Variants in AGPS observed in about 807,000 individuals in gnomAD.
AGPS encodes the protein alkyldihydroxyacetonephosphate synthase, peroxisomal.
AGPS carries 26 observed loss-of-function variants against 90.7 expected under a neutral mutation model. That is an observed-to-expected ratio of 0.29 (90% CI 0.21 to 0.40). AGPS has a LOEUF of 0.40. AGPS is among the 10% of genes least tolerant of loss of function. The probability of loss-of-function intolerance (pLI) is 1.00; values close to 1 mark genes in which losing one functional copy is unlikely to be tolerated. For missense variants in AGPS, 540 were observed against 816.1 expected (o/e 0.66, Z 4.12); for synonymous variants, 294 against 285.3 (o/e 1.03, Z -0.31).
intron 9 of AGPS, among the ~76,000 whole-genome samples, chr2:177,465,146 T>G (rs1319346473): frequency 6.6e-6 from 1 of 151,976 alleles, no homozygotes; most frequent in Non-Finnish European, 1.5e-5. Flanking sequence ...ATTAAAAAAT[T>G]AGCTGAGCAT....
intron 2 of AGPS, among the ~76,000 whole-genome samples, chr2:177,430,693 C>T (rs560232919): frequency 1.4e-4 from 22 of 152,158 alleles, no homozygotes; most frequent in South Asian, 8.3e-4. Context: ...CCTAGTCAGT[C>T]CTGATGTGAG....
At chr2:177,432,773 G>T (rs926199519) in intron 2 of AGPS, among the ~76,000 whole-genome samples, 2 of 152,152 alleles carry the variant, frequency 1.3e-5, no homozygotes, top group Non-Finnish European at 2.9e-5. Flanking sequence ...GGTTCTGTAG[G>T]CTGTGCAAGA....
rs535440679 is a variant in AGPS, at chr2:177,539,823, C to T, written c.*1628C>T. On this transcript the variant is annotated 3_prime_UTR_variant, in exon 20 of 20. Coordinates refer to ENST00000264167, the MANE Select transcript of AGPS (RefSeq NM_003659.4). ...AATATTTATTTTTTAGAAGCTGCCT[C>T]TCTTCATTGGTCATTTATTTTTAAT... 1.3e-5 allele frequency: 2 copies of T among 151,728 alleles called. No homozygotes were observed. The highest frequency in any genetic ancestry group is 4.8e-5 in the African/African-American group (2 of 41,370). The allele number at this position is 151,728 out of a possible 1,614,324, so 9.4% of individuals were successfully genotyped here. A position where few individuals can be genotyped will look rare whatever the true frequency, so the allele number is the denominator to read the frequency against.
chr2:177,411,192 C>T (rs1685611472), intron 1 of AGPS, among the ~76,000 whole-genome samples: 1 of 152,120 alleles, frequency 6.6e-6, no homozygotes, highest in Non-Finnish European at 1.5e-5. Flanking sequence ...CTAAGGCGGA[C>T]TTTTGAATTT....
At chr2:177,507,696 A>T (rs1472955433) in intron 15 of AGPS, among the ~76,000 whole-genome samples, 3 of 152,190 alleles carry the variant, frequency 2.0e-5, no homozygotes, top group African/African-American at 7.2e-5. Flanking sequence ...AACTCCATTC[A>T]CTAAAGAAAT....
intron 12 of AGPS, among the ~76,000 whole-genome samples, chr2:177,493,822 G>A (rs1311547524): frequency 3.3e-5 from 5 of 152,162 alleles, no homozygotes; most frequent in Non-Finnish European, 5.9e-5. Context: ...ATGCATGGAG[G>A]AGAGACACTA....
At chr2:177,501,835 C>T (rs759850695) in intron 14 of AGPS, among the ~76,000 whole-genome samples, 8 of 151,800 alleles carry the variant, frequency 5.3e-5, no homozygotes, top group Non-Finnish European at 7.4e-5. Context: ...GCCTGGCTAA[C>T]TTTTGTATTT....
chr2:177,421,267 ATATAT>A (rs1436979789), intron 2 of AGPS, among the ~76,000 whole-genome samples: 1 of 152,032 alleles, frequency 6.6e-6, no homozygotes, highest in Admixed American at 6.5e-5. Flanking sequence ...ATTGGATCAG[ATATAT>A]TATGAGTCTA....
chr2:177,535,066 A>G (rs1338155129), intron 19 of AGPS, among the ~76,000 whole-genome samples: 1 of 152,144 alleles, frequency 6.6e-6, no homozygotes, highest in South Asian at 2.1e-4. Context: ...TTGTAGCTCT[A>G]GTGTTGACTC....
chr2:177,408,667 G>A (rs1685531596), intron 1 of AGPS, among the ~76,000 whole-genome samples: 1 of 152,078 alleles, frequency 6.6e-6, no homozygotes, highest in South Asian at 2.1e-4. Flanking sequence ...TCTACTCAGG[G>A]CCATCCTCTC....
intron 1 of AGPS, among the ~76,000 whole-genome samples, chr2:177,399,807 A>G (rs1685283579): frequency 6.6e-6 from 1 of 152,150 alleles, no homozygotes; most frequent in Non-Finnish European, 1.5e-5. Context: ...CTTCTAACAT[A>G]TAGATTTGCC....
At chr2:177,459,179 A>T (rs1025211190) in intron 8 of AGPS, among the ~76,000 whole-genome samples, 1 of 152,228 alleles carries the variant, frequency 6.6e-6, no homozygotes, top group African/African-American at 2.4e-5. Flanking sequence ...CTCAAGATGG[A>T]TCAAAGACTT....
intron 1 of AGPS, among the ~76,000 whole-genome samples, chr2:177,419,852 G>A (rs184758480): frequency 1.1e-4 from 17 of 151,788 alleles, no homozygotes; most frequent in East Asian, 9.6e-4. Flanking sequence ...TTTAAAAATC[G>A]TAGCAGAAGG....
In AGPS at chr2:177,538,213, C is replaced by CA. The variant is rs754563305; in HGVS notation, c.*25dup. On this transcript the variant is annotated 3_prime_UTR_variant, in exon 20 of 20. Coordinates refer to ENST00000264167, the MANE Select transcript of AGPS (RefSeq NM_003659.4). The stretch of plus-strand genomic sequence containing the variant: ...TTTTATAAATCCATTAGTACCATTA[C>CA]AAAAAAATGTCAATTTTTTTTTTAA... 20 of 1,609,580 alleles carry CA rather than the reference C, an allele frequency of 1.2e-5. No individual in the cohort carries two copies. The highest frequency in any genetic ancestry group is 2.2e-5 in the South Asian group (2 of 90,820).
intron 11 of AGPS, among the ~76,000 whole-genome samples, chr2:177,490,438 A>G (rs541211290): frequency 3.3e-5 from 5 of 152,336 alleles, no homozygotes; most frequent in Admixed American, 2.0e-4. Flanking sequence ...GGTTTGAATT[A>G]GATAATTTCA....
At position 177,505,595 on chromosome 2, in the gene AGPS, C is replaced by G. The variant is rs751398155; in HGVS notation, c.1545+20C>G. On this transcript the variant is annotated intron_variant, in intron 15 of 19. Coordinates refer to ENST00000264167, the MANE Select transcript of AGPS (RefSeq NM_003659.4). The stretch of plus-strand genomic sequence containing the variant: ...ATTCGAGTAAGTTATATCATATTTC[C>G]CTTGCCACTTAATTTATGTTGCAAA... 6.3e-7 allele frequency: 1 copy of G among 1,588,660 alleles called. No individual in the cohort carries two copies. Among genetic ancestry groups the G allele is most frequent in the Non-Finnish European group, 8.6e-7 (1 of 1,157,932 alleles).
chr2:177,532,630 G>A (rs1008024700), intron 19 of AGPS, among the ~76,000 whole-genome samples: 1 of 152,106 alleles, frequency 6.6e-6, no homozygotes, highest in African/African-American at 2.4e-5. Context: ...CCAGAGAAAT[G>A]AAAACTTATG....
chr2:177,408,809 T>A (rs1202861253), intron 1 of AGPS, among the ~76,000 whole-genome samples: 1 of 152,230 alleles, frequency 6.6e-6, no homozygotes, highest in East Asian at 1.9e-4. Context: ...TATTCCTTTG[T>A]GGCTATTCAA....
chr2:177,450,583 A>G (rs2105650004), intron 8 of AGPS, among the ~76,000 whole-genome samples: 1 of 152,274 alleles, frequency 6.6e-6, no homozygotes, highest in East Asian at 1.9e-4. Context: ...TTGCACCATC[A>G]TTTAAAAAAA....
Sources: allele counts gnomAD v4.1 joint callset (sites outside exome capture counted in the v4.1 genomes callset), GRCh38; gene constraint gnomAD v4.1.1; transcripts MANE v1.5; gene names NCBI Gene and HGNC (gene_info 2026-07-23, HGNC 2026-07-21).